The following YARS1 variants were observed in gnomAD, a reference collection of about 807,000 sequenced individuals.
YARS1 encodes the protein tyrosine--tRNA ligase, cytoplasmic.
A neutral mutation model predicts 62.2 loss-of-function variants in YARS1; 36 were observed. The ratio of observed to expected loss-of-function variants is 0.58; its 90% CI spans 0.44 to 0.76. The LOEUF (loss-of-function observed/expected upper bound fraction) is 0.76. Among genes scored for constraint, YARS1 ranks in the 30% least tolerant of loss-of-function variants. The pLI is 0.00. For synonymous variants in YARS1, 234 were observed against 244.9 expected, an observed-to-expected ratio of 0.96 and a Z score of 0.42; for missense variants, 524 against 639.8, an observed-to-expected ratio of 0.82 and a Z score of 1.95.
chr1:32,786,740 C>T (rs1653240654), intron 7 of YARS1, 200 bp downstream of exon 7: 1 of 833,370 alleles, frequency 1.2e-6, no homozygotes. Flanking sequence ...AGTATTCCCT[C>T]AGAACCTAGC....
intron 4 of YARS1, among the ~76,000 whole-genome samples, chr1:32,800,970 C>T (rs910546585): frequency 1.3e-5 from 2 of 152,118 alleles, no homozygotes; most frequent in Non-Finnish European, 1.5e-5. Flanking sequence ...TTTGTTTTAA[C>T]AGAAAATAGG....
rs547296804 is a variant in YARS1, at chr1:32,777,741, C to T, written c.1476+1641G>A. 3.5e-4 allele frequency among the ~76,000 whole-genome samples: 54 copies of T among 152,220 alleles called. No homozygotes were observed. In the South Asian group the frequency reaches 5.0e-3, roughly 14 times the overall value. ...CAGGAGGTTTACAGGCTTGAGGTTA[C>T]AGGGAGCTATGATGGCACCACTGGA... On this transcript the variant is annotated intron_variant, in intron 12 of 12. Transcript: ENST00000373477.
At chr1:32,805,472 A>T (rs1638438393) in intron 4 of YARS1, among the ~76,000 whole-genome samples, 1 of 152,104 alleles carries the variant, frequency 6.6e-6, no homozygotes, top group African/African-American at 2.4e-5. Flanking sequence ...TCTTCTCTAT[A>T]TCAGCATAAG....
At position 32,817,136 on chromosome 1, in the gene YARS1, GA is replaced by G. The variant is rs1638767958; in HGVS notation, c.57+51del. 1.1e-5 allele frequency: 18 copies of G among 1,609,100 alleles called. No homozygotes were observed. The South Asian group carries it at 2.0e-4, about 18-fold the overall frequency. On this transcript the variant is annotated intron_variant, in intron 1 of 12. Coordinates refer to ENST00000373477, the MANE Select transcript of YARS1 (RefSeq NM_003680.4). Reference sequence around the variant, plus strand: ...CCCCGTAATGGGGCTCAAAATCACTGAACCTCGGGCTCCTAATCCCCAACGG... The same window carrying G: ...CCCCGTAATGGGGCTCAAAATCACTGACCTCGGGCTCCTAATCCCCAACGG...
intron 1 of YARS1, among the ~76,000 whole-genome samples, chr1:32,815,112 G>A (rs995743377): frequency 1.3e-5 from 2 of 152,158 alleles, no homozygotes; most frequent in Non-Finnish European, 2.9e-5. Context: ...ACTTTGGGAC[G>A]CCGAATTTGG....
intron 5 of YARS1, among the ~76,000 whole-genome samples, chr1:32,791,576 T>C (rs974552972): frequency 9.2e-5 from 14 of 151,804 alleles, no homozygotes; most frequent in South Asian, 2.1e-4. Context: ...CTGAGGTGGG[T>C]GGATCACCTA....
Position 32,816,987 on chromosome 1 carries a change from G to A in YARS1, c.57+201C>T. The A allele has an allele frequency of 1.2e-5, 8 of 665,670 alleles. No individual in the cohort carries two copies. In the South Asian group the frequency reaches 1.4e-4, roughly 12 times the overall value. 41.2% of individuals were successfully genotyped at this position (665,670 alleles called of 1,614,324 possible). ...CAAGACAACTGGACGCAAGAGGTGA[G>A]CCCACTGTGATTTCTGGGGAACCCA... is the stretch of plus-strand genomic sequence containing the variant. On this transcript the variant is annotated intron_variant, in intron 1 of 12. Coordinates refer to ENST00000373477, the MANE Select transcript of YARS1 (RefSeq NM_003680.4).
intron 10 of YARS1, chr1:32,780,509 T>G: frequency 1.7e-6 from 1 of 572,962 alleles, no homozygotes; most frequent in Admixed American, 3.0e-5. Flanking sequence ...TAGATGCTTG[T>G]GTTAAGAGGT....
chr1:32,797,538 G>A (rs1390123324), intron 5 of YARS1: 1 of 575,684 alleles, frequency 1.7e-6, no homozygotes, highest in African/African-American at 1.9e-5. Context: ...CCAGGCACAT[G>A]GGCTCTGGAG....
chr1:32,792,741 G>A (rs1314357520), intron 5 of YARS1, among the ~76,000 whole-genome samples: 7 of 151,956 alleles, frequency 4.6e-5, no homozygotes, highest in African/African-American at 1.5e-4. Context: ...TTAGCTGGGC[G>A]TGGTGGTGGG....
At chr1:32,795,999 A>G (rs1190818784) in intron 5 of YARS1, among the ~76,000 whole-genome samples, 1 of 152,154 alleles carries the variant, frequency 6.6e-6, no homozygotes, top group Non-Finnish European at 1.5e-5. Flanking sequence ...TCAAGCAGAT[A>G]CAATGAAATA....
At chr1:32,817,097 C>G in intron 1 of YARS1, 91 bp downstream of exon 1, 2 of 1,532,944 alleles carry the variant, frequency 1.3e-6, no homozygotes, top group South Asian at 2.2e-5. Flanking sequence ...GTCCCCGGCC[C>G]CACATACTTA....
At chr1:32,781,690 A>C (rs527907324) in intron 9 of YARS1, 27 of 167,262 alleles carry the variant, frequency 1.6e-4, no homozygotes, top group African/African-American at 5.5e-4. Flanking sequence ...TGCACATAGA[A>C]GGAAACTGGG....
At position 32,810,845 on chromosome 1, in the gene YARS1, CCTTGTTAAGTCTCT is replaced by C. The variant is rs1569777863; in HGVS notation, c.204+52_204+65del. ...CCTGTCTCCTCCAGCCCCACCCTGT[CCTTGTTAAGTCTCT>C]CTTGGGTCTCCCTTGGGTCATTCCC... On this transcript the variant is annotated intron_variant, in intron 2 of 12. Coordinates refer to ENST00000373477, the MANE Select transcript of YARS1 (RefSeq NM_003680.4). 5.0e-6 allele frequency: 8 copies of C among 1,614,072 alleles called. No individual in the cohort carries two copies. In the East Asian group the frequency reaches 1.8e-4, roughly 36 times the overall value.
chr1:32,817,348 T>G lies in YARS1; in HGVS notation c.-104A>C. Reference sequence around the variant, plus strand: ...GAACTGTCACGCGAGTCCAGCCAGGTTGCATCAGCTGGGCTCGGCGCTCCG... The same window carrying G: ...GAACTGTCACGCGAGTCCAGCCAGGGTGCATCAGCTGGGCTCGGCGCTCCG... On this transcript the variant is annotated 5_prime_UTR_variant, in exon 1 of 13. Transcript: ENST00000373477. 1.2e-5 allele frequency: 17 copies of G among 1,467,260 alleles called. No homozygotes were observed. The highest frequency in any genetic ancestry group is 1.6e-5 in the Non-Finnish European group (17 of 1,058,438). The allele number at this position is 1,467,260 out of a possible 1,614,324, so 90.9% of individuals were successfully genotyped here.
chr1:32,775,960 G>T lies in YARS1; in HGVS notation c.*21C>A, dbSNP rs149812692. 8.7e-4 allele frequency: 1,381 copies of T among 1,587,236 alleles called. 2 individuals carry two copies. The highest frequency in any genetic ancestry group is 1.0e-3 in the Non-Finnish European group (1,198 of 1,155,770). On this transcript the variant is annotated 3_prime_UTR_variant, in exon 13 of 13. Transcript: ENST00000373477. The stretch of plus-strand genomic sequence containing the variant: ...AGCAGATGACTCAGTGGTGGAAGAA[G>T]GGGGGAAGATGCTGGGCTGGCTAGC...
At chr1:32,799,420 T>C (rs897936286) in intron 4 of YARS1, among the ~76,000 whole-genome samples, 15 of 152,174 alleles carry the variant, frequency 9.9e-5, no homozygotes, top group African/African-American at 2.9e-4. Flanking sequence ...GACTCATGGG[T>C]TGGAGACAAA....
At position 32,780,251 on chromosome 1, in the gene YARS1, C is replaced by T; in HGVS notation, c.1168G>A (p.Glu390Lys). The change falls in exon 11 of 13, where the codon GAG becomes AAG. Residue 390 changes from glutamate (E) to lysine (K), a missense_variant. Transcript: ENST00000373477. ...KHPDADSLYVEKIDVGEAEPR... is the reference protein window; with the variant it reads ...KHPDADSLYVKKIDVGEAEPR... ...TCAGCTTCCCCCACGTCAATCTTCTCTACATACAGGCTGTCTGCATCTGGG... is the reference window on the plus strand; with the variant it reads ...TCAGCTTCCCCCACGTCAATCTTCTTTACATACAGGCTGTCTGCATCTGGG... 6.2e-7 allele frequency: 1 copy of T among 1,614,190 alleles called. No individual in the cohort carries two copies. Among genetic ancestry groups the T allele is most frequent in the Non-Finnish European group, 8.5e-7 (1 of 1,180,050 alleles).
chr1:32,782,169 C>T, intron 9 of YARS1: 1 of 612,590 alleles, frequency 1.6e-6, no homozygotes, highest in South Asian at 1.9e-5. Flanking sequence ...AAGTATACAT[C>T]TTACACCAGC....
Sources: allele counts gnomAD v4.1 joint callset (sites outside exome capture counted in the v4.1 genomes callset), GRCh38; gene constraint gnomAD v4.1.1; transcripts MANE v1.5; gene names NCBI Gene and HGNC (gene_info 2026-07-23, HGNC 2026-07-21).